Variants in ZNF385D observed in about 807,000 individuals in gnomAD.
ZNF385D encodes zinc finger protein 385D.
In ZNF385D, 15 loss-of-function variants were observed where a neutral mutation model predicts 35.8. That is an observed-to-expected ratio of 0.42 (90% CI 0.28 to 0.64). ZNF385D has a LOEUF of 0.64. Among genes scored for constraint, ZNF385D ranks in the 30% least tolerant of loss-of-function variants. The pLI, the probability that ZNF385D is intolerant of heterozygous loss-of-function variation, is 0.23. For synonymous variants in ZNF385D, 212 were observed against 186.8 expected (o/e 1.13, Z -1.10); for missense variants, 474 against 494.6 (o/e 0.96, Z 0.39).
chr3:22,262,087 T>C (rs9865580), intron 2 of ZNF385D, among the ~76,000 whole-genome samples: 3,091 of 152,096 alleles, frequency 0.02, 97 homozygotes, highest in African/African-American at 0.069. Context: ...ATTTCATAAA[T>C]AGTGGCTTTT....
At position 22,238,076 on chromosome 3, in the gene ZNF385D, C is replaced by T. The variant is rs557736183; in HGVS notation, c.107-69041G>A. 1.0e-3 allele frequency among the ~76,000 whole-genome samples: 158 copies of T among 151,028 alleles called. 9 individuals carry two copies. The highest frequency in any genetic ancestry group is 3.4e-3 in the Middle Eastern group (1 of 294). On this transcript the variant is annotated intron_variant, in intron 2 of 5. Coordinates refer to the ZNF385D transcript ENST00000494108. Reference sequence around the variant, plus strand: ...GAAAAGATGATTCTTTCTCTGTTGTCTTTGTAGTCTTGTTAAAAAAACAAA... The same window carrying T: ...GAAAAGATGATTCTTTCTCTGTTGTTTTTGTAGTCTTGTTAAAAAAACAAA...
intron 2 of ZNF385D, among the ~76,000 whole-genome samples, chr3:21,634,836 C>A (rs1369179171): frequency 2.7e-5 from 4 of 150,376 alleles, no homozygotes; most frequent in Non-Finnish European, 5.9e-5. Context: ...TTTTGGATGG[C>A]AATATTTTTC....
intron 2 of ZNF385D, among the ~76,000 whole-genome samples, chr3:21,603,665 T>C (rs549765394): frequency 1.2e-4 from 18 of 152,364 alleles, no homozygotes; most frequent in Non-Finnish European, 1.6e-4. Flanking sequence ...TATGCCCTTA[T>C]ATACATTAAA....
intron 1 of ZNF385D, among the ~76,000 whole-genome samples, chr3:21,719,903 CAGG>C (rs1211495335): frequency 6.6e-6 from 1 of 152,196 alleles, no homozygotes; most frequent in Non-Finnish European, 1.5e-5. Flanking sequence ...TCAACACAAT[CAGG>C]AGAACTCTCT....
At chr3:21,432,362 A>G (rs922516776) in intron 5 of ZNF385D, among the ~76,000 whole-genome samples, 14 of 152,286 alleles carry the variant, frequency 9.2e-5, no homozygotes, top group South Asian at 8.3e-4. Context: ...TTTGATAACT[A>G]TCTTTTCTGC....
chr3:21,866,328 C>G (rs1013910874), intron 3 of ZNF385D, among the ~76,000 whole-genome samples: 3 of 151,960 alleles, frequency 2.0e-5, no homozygotes, highest in African/African-American at 7.3e-5. Context: ...GTGGCGTGCA[C>G]CTGTAATCGC....
rs761279992 is a variant in ZNF385D, at chr3:21,564,623, C to G, written c.227G>C (p.Arg76Thr). Reference protein sequence around the residue: ...HTFGVPLPHRRKQIISCNICQ... With the variant: ...HTFGVPLPHRTKQIISCNICQ... ...AATGTTGCATGATATGATTTGCTTT[C>G]TTCGGTGGGGAAGAGGAACCCCGAA... Residue 76 changes from arginine to threonine, a missense_variant, in exon 3 of 8, where the codon AGA (arginine) becomes ACA (threonine). By Grantham distance (71) the Arg-to-Thr change is moderately conservative. Transcript: ENST00000281523. 1 of 1,572,256 alleles carries G rather than the reference C, an allele frequency of 6.4e-7. No individual in the cohort carries two copies. Among genetic ancestry groups the G allele is most frequent in the South Asian group, 1.2e-5 (1 of 84,604 alleles).
At chr3:21,817,952 G>T (rs997678822) in intron 3 of ZNF385D, among the ~76,000 whole-genome samples, 1 of 152,184 alleles carries the variant, frequency 6.6e-6, no homozygotes, top group Non-Finnish European at 1.5e-5. Context: ...TGACAGACTG[G>T]ATTAAGAAAA....
intron 2 of ZNF385D, among the ~76,000 whole-genome samples, chr3:22,331,578 A>G (rs1694938817): frequency 6.6e-6 from 1 of 152,186 alleles, no homozygotes; most frequent in Non-Finnish European, 1.5e-5. Flanking sequence ...AAAAATTTAG[A>G]CATGTATCTC....
At chr3:22,227,199 G>A (rs1315554431) in intron 2 of ZNF385D, among the ~76,000 whole-genome samples, 3 of 151,932 alleles carry the variant, frequency 2.0e-5, no homozygotes, top group Non-Finnish European at 4.4e-5. Flanking sequence ...GGGGGGTGTA[G>A]GTGCTTGTCA....
rs549473812 is a variant in ZNF385D, at chr3:22,350,765, T to C, written c.106+21685A>G. 2.0e-5 allele frequency among the ~76,000 whole-genome samples: 3 copies of C among 152,258 alleles called. No individual in the cohort carries two copies. In the South Asian group the frequency reaches 6.2e-4, roughly 32 times the overall value. Reference sequence around the variant, plus strand: ...TTCTTGACAGAGTGCTCCTTTTGAATGTGTAAAAGACATTCTTCTGTGGCA... The same window carrying C: ...TTCTTGACAGAGTGCTCCTTTTGAACGTGTAAAAGACATTCTTCTGTGGCA... On this transcript the variant is annotated intron_variant, in intron 2 of 5. Transcript: ENST00000494108.
At chr3:22,047,374 T>G (rs1205613990) in intron 3 of ZNF385D, among the ~76,000 whole-genome samples, 1 of 152,090 alleles carries the variant, frequency 6.6e-6, no homozygotes, top group Non-Finnish European at 1.5e-5. Context: ...TTAATTGAAA[T>G]TATGCATTCT....
intron 2 of ZNF385D, among the ~76,000 whole-genome samples, chr3:21,614,475 C>A (rs1388649956): frequency 2.6e-5 from 4 of 152,196 alleles, no homozygotes; most frequent in African/African-American, 9.6e-5. Context: ...CCCTAACAGT[C>A]CCCTAGGGGT....
At chr3:22,242,411 T>C (rs1699548314) in intron 2 of ZNF385D, among the ~76,000 whole-genome samples, 1 of 150,854 alleles carries the variant, frequency 6.6e-6, no homozygotes, top group Admixed American at 6.6e-5. Context: ...CGATCAAGGT[T>C]AACATCACCA....
At chr3:21,737,921 C>T (rs1672364575) in intron 1 of ZNF385D, among the ~76,000 whole-genome samples, 1 of 152,188 alleles carries the variant, frequency 6.6e-6, no homozygotes, top group African/African-American at 2.4e-5. Context: ...TCCTAGCTCA[C>T]AGCACTCACG....
chr3:22,173,820 T>G (rs555208699), intron 2 of ZNF385D, among the ~76,000 whole-genome samples: 1 of 152,258 alleles, frequency 6.6e-6, no homozygotes, highest in African/African-American at 2.4e-5. Context: ...TGCCTGTGAC[T>G]AGGTAGGTAA....
chr3:22,144,896 A>G (rs1013119779), intron 3 of ZNF385D, among the ~76,000 whole-genome samples: 10 of 152,214 alleles, frequency 6.6e-5, no homozygotes, highest in African/African-American at 1.4e-4. Flanking sequence ...TTATGGTTAA[A>G]TAAGTTTGCT....
At chr3:21,506,446 A>T (rs149116965) in intron 4 of ZNF385D, among the ~76,000 whole-genome samples, 8 of 152,308 alleles carry the variant, frequency 5.3e-5, no homozygotes, top group African/African-American at 1.7e-4. Context: ...AATGTGAATG[A>T]GATTCCCTAA....
At chr3:22,330,913 C>T (rs1226957249) in intron 2 of ZNF385D, among the ~76,000 whole-genome samples, 2 of 152,194 alleles carry the variant, frequency 1.3e-5, no homozygotes, top group Non-Finnish European at 2.9e-5. Context: ...AACCCTGCAG[C>T]ATCAGCCCAA....
Sources: allele counts gnomAD v4.1 joint callset (sites outside exome capture counted in the v4.1 genomes callset), GRCh38; gene constraint gnomAD v4.1.1; transcripts MANE v1.5; gene names NCBI Gene and HGNC (gene_info 2026-07-23, HGNC 2026-07-21).